NEK11: variants seen among roughly 807,000 people sequenced by gnomAD.
NEK11 encodes NIMA related kinase 11, also known as serine/threonine-protein kinase Nek11.
NEK11 carries 72 observed loss-of-function variants against 80.7 expected under a neutral mutation model. The observed-to-expected ratio is 0.89, with a 90% CI of 0.74 to 1.08. The LOEUF is 1.08. NEK11 is among the 50% of genes least tolerant of loss of function. The probability of loss-of-function intolerance (pLI) is 0.00; values close to 1 mark genes in which losing one functional copy is unlikely to be tolerated. For synonymous variants in NEK11, 251 were observed against 260.7 expected (o/e 0.96, Z 0.36); for missense variants, 764 against 763.6 (o/e 1.00, Z -0.01).
chr3:131,190,340 G>A (rs1260823307), intron 14 of NEK11, among the ~76,000 whole-genome samples: 1 of 152,174 alleles, frequency 6.6e-6, no homozygotes, highest in Non-Finnish European at 1.5e-5. Context: ...AGACAAATAT[G>A]TTGGAGGTTG....
rs147252892 is a variant in NEK11, at chr3:131,307,827, C to T, written c.1718+34253C>T. Among the ~76,000 whole-genome samples the T allele has an allele frequency of 2.8e-4, 42 of 152,264 alleles. No homozygotes were observed. In the East Asian group the frequency reaches 7.1e-3, roughly 26 times the overall value. ...AACTGCAGTGTGAATTTTGTAAAGG[C>T]GGTTTCTTTGGTGACAAAAAGCTGT... On this transcript the variant is annotated intron_variant, in intron 17 of 17. Coordinates refer to ENST00000383366, the MANE Select transcript of NEK11 (RefSeq NM_024800.5).
At chr3:131,267,119 T>C (rs1314473707) in intron 16 of NEK11, among the ~76,000 whole-genome samples, 1 of 152,242 alleles carries the variant, frequency 6.6e-6, no homozygotes, top group East Asian at 1.9e-4. Flanking sequence ...TACAGCATAC[T>C]GATGAGTCTT....
intron 17 of NEK11, among the ~76,000 whole-genome samples, chr3:131,278,475 G>T (rs1429933591): frequency 6.6e-6 from 1 of 152,176 alleles, no homozygotes; most frequent in Non-Finnish European, 1.5e-5. Flanking sequence ...GTGGATAAGT[G>T]GGCCTTTGTG....
At chr3:131,228,758 A>C in intron 15 of NEK11, 70 bp downstream of exon 15, 1 of 1,471,762 alleles carries the variant, frequency 6.8e-7, no homozygotes, top group African/African-American at 1.4e-5. Flanking sequence ...CAGAGAAGAA[A>C]GGAAGTCTTA....
chr3:131,247,152 G>A (rs1232011906), intron 16 of NEK11, among the ~76,000 whole-genome samples: 1 of 152,000 alleles, frequency 6.6e-6, no homozygotes, highest in Non-Finnish European at 1.5e-5. Context: ...CTTTGTTTTT[G>A]ATGCATTTGC....
At chr3:131,342,227 G>A (rs963768105) in intron 17 of NEK11, among the ~76,000 whole-genome samples, 9 of 152,204 alleles carry the variant, frequency 5.9e-5, no homozygotes, top group Non-Finnish European at 1.3e-4. Flanking sequence ...TTCAGAGACA[G>A]CCATTTGAAA....
At chr3:131,295,272 C>A (rs1162959608) in intron 17 of NEK11, among the ~76,000 whole-genome samples, 1 of 151,480 alleles carries the variant, frequency 6.6e-6, no homozygotes, top group Non-Finnish European at 1.5e-5. Flanking sequence ...ATGCTTAGGA[C>A]CAGAAGTTGT....
At chr3:131,335,720 C>T (rs958895233) in intron 17 of NEK11, among the ~76,000 whole-genome samples, 4 of 152,256 alleles carry the variant, frequency 2.6e-5, no homozygotes, top group African/African-American at 9.6e-5. Flanking sequence ...TAGAAAACCC[C>T]ACTGTCTCAG....
At chr3:131,309,189 G>C (rs1185238852) in intron 17 of NEK11, among the ~76,000 whole-genome samples, 1 of 152,254 alleles carries the variant, frequency 6.6e-6, no homozygotes, top group Middle Eastern at 3.4e-3. Context: ...GCTTTCTGCT[G>C]TTTGTTTGGC....
At chr3:131,062,590 C>T (rs1378308904) in intron 3 of NEK11, among the ~76,000 whole-genome samples, 2 of 152,202 alleles carry the variant, frequency 1.3e-5, no homozygotes, top group Middle Eastern at 3.2e-3. Context: ...TCTTCCTCCA[C>T]CCCAAACCCA....
In NEK11 at chr3:131,191,714, A is replaced by G. The variant is rs952552986; in HGVS notation, c.1399+20827A>G. On this transcript the variant is annotated intron_variant, in intron 14 of 17. Coordinates refer to ENST00000383366, the MANE Select transcript of NEK11 (RefSeq NM_024800.5). ...TTCTGATAAAAAAAATACAATGTTT[A>G]AAAAGAGAGTTAAGGACAGTCTTTT... Among the ~76,000 whole-genome samples, 8 of 152,312 alleles carry G rather than the reference A, an allele frequency of 5.3e-5. No homozygotes were observed. The East Asian group carries it at 1.5e-3, about 29-fold the overall frequency.
At chr3:131,207,774 G>A (rs1268671088) in intron 14 of NEK11, among the ~76,000 whole-genome samples, 1 of 152,176 alleles carries the variant, frequency 6.6e-6, no homozygotes, top group Admixed American at 6.5e-5. Flanking sequence ...CTTTTGAGAA[G>A]TGTCTGTTCA....
Position 131,029,613 on chromosome 3 carries a change from G to T in NEK11, c.-96G>T. On this transcript the variant is annotated splice_region_variant and 5_prime_UTR_variant, in exon 3 of 18. Coordinates refer to ENST00000383366, the MANE Select transcript of NEK11 (RefSeq NM_024800.5). ...GATCTTTTAACTTTTCATCTTTAAG[G>T]AACTGACCAACACTGGATGAATTTG... is the stretch of plus-strand genomic sequence containing the variant. 1.1e-5 allele frequency: 13 copies of T among 1,223,268 alleles called. No individual in the cohort carries two copies. Among genetic ancestry groups the T allele is most frequent in the Non-Finnish European group, 1.5e-5 (13 of 862,776 alleles). The allele number at this position is 1,223,268 out of a possible 1,614,324, so 75.8% of individuals were successfully genotyped here.
chr3:131,108,333 G>A (rs2079523920), intron 4 of NEK11, among the ~76,000 whole-genome samples: 1 of 152,088 alleles, frequency 6.6e-6, no homozygotes, highest in African/African-American at 2.4e-5. Flanking sequence ...ACTCTGTCAT[G>A]AGTAGTCTAT....
intron 7 of NEK11, among the ~76,000 whole-genome samples, chr3:131,139,175 C>G (rs568714741): frequency 1.3e-5 from 2 of 151,618 alleles, no homozygotes; most frequent in East Asian, 3.9e-4. Flanking sequence ...ATAAATTTAA[C>G]AAAGAGAGTG....
intron 14 of NEK11, among the ~76,000 whole-genome samples, chr3:131,203,516 A>G (rs139280482): frequency 0.017 from 2,505 of 151,080 alleles, 67 homozygotes; most frequent in African/African-American, 0.058. Context: ...CCAACATGGC[A>G]TATGTATACA....
At chr3:131,140,258 A>G (rs2052391578) in intron 7 of NEK11, among the ~76,000 whole-genome samples, 1 of 152,022 alleles carries the variant, frequency 6.6e-6, no homozygotes, top group African/African-American at 2.4e-5. Context: ...GAACCCAACT[A>G]CCCTGTTGTG....
In NEK11 at chr3:131,152,251, C is replaced by T. The variant is rs2089801403; in HGVS notation, c.648-137C>T. ...TTAAATGGAAAAAAACTGTATGAAACTGCAGTTTTAAGTCAACTACTGATT... is the reference window on the plus strand; with the variant it reads ...TTAAATGGAAAAAAACTGTATGAAATTGCAGTTTTAAGTCAACTACTGATT... On this transcript the variant is annotated intron_variant, in intron 7 of 17. Coordinates refer to ENST00000383366, the MANE Select transcript of NEK11 (RefSeq NM_024800.5). 3 of 613,500 alleles carry T rather than the reference C, an allele frequency of 4.9e-6. 1 individual carries two copies. In the South Asian group the frequency reaches 1.0e-4, roughly 21 times the overall value. 38.0% of individuals were successfully genotyped at this position (613,500 alleles called of 1,614,324 possible).
intron 14 of NEK11, among the ~76,000 whole-genome samples, chr3:131,188,632 C>A (rs1262035772): frequency 2.6e-5 from 4 of 152,150 alleles, no homozygotes; most frequent in Admixed American, 6.5e-5. Context: ...TGCTCCTAGG[C>A]AATTGCCTTT....
Sources: allele counts gnomAD v4.1 joint callset (sites outside exome capture counted in the v4.1 genomes callset), GRCh38; gene constraint gnomAD v4.1.1; transcripts MANE v1.5; gene names NCBI Gene and HGNC (gene_info 2026-07-23, HGNC 2026-07-21).